SLC24A2: variants seen among roughly 807,000 people sequenced by gnomAD.
The protein encoded by SLC24A2 is solute carrier family 24 member 2, also known as sodium/potassium/calcium exchanger 2.
A neutral mutation model predicts 62.0 loss-of-function variants in SLC24A2; 36 were observed. The ratio of observed to expected loss-of-function variants is 0.58; its 90% CI spans 0.44 to 0.77. The LOEUF is 0.77. SLC24A2 is among the 30% of genes least tolerant of loss of function. The pLI, the probability that SLC24A2 is intolerant of heterozygous loss-of-function variation, is 0.00. For synonymous variants in SLC24A2, 358 were observed against 294.0 expected (o/e 1.22, Z -2.23); for missense variants, 846 against 817.9 (o/e 1.03, Z -0.42).
chr9:19,634,669 T>A (rs1818268077), intron 2 of SLC24A2, among the ~76,000 whole-genome samples: 1 of 152,218 alleles, frequency 6.6e-6, no homozygotes, highest in South Asian at 2.1e-4. Context: ...TAAAACACAC[T>A]GATTTCACCC....
At chr9:19,663,706 C>A (rs1189211009) in intron 2 of SLC24A2, among the ~76,000 whole-genome samples, 1 of 152,178 alleles carries the variant, frequency 6.6e-6, no homozygotes, top group Admixed American at 6.5e-5. Context: ...AGTGCGTCTG[C>A]CACTCTCTGT....
the SLC24A2 span, among the ~76,000 whole-genome samples, chr9:19,995,266 T>A: frequency 1.3e-5 from 2 of 152,186 alleles, no homozygotes. Flanking sequence ...TATTAATCAA[T>A]TCAACATTAA....
At chr9:19,940,086 G>A in the SLC24A2 span, among the ~76,000 whole-genome samples, 1 of 152,354 alleles carries the variant, frequency 6.6e-6, no homozygotes, top group South Asian at 2.1e-4. Flanking sequence ...CGCACCCATG[G>A]GGAAGTGAAA....
At chr9:19,556,453 A>G (rs991319572) in intron 7 of SLC24A2, among the ~76,000 whole-genome samples, 6 of 152,160 alleles carry the variant, frequency 3.9e-5, no homozygotes, top group African/African-American at 1.4e-4. Context: ...AATCTCTCCT[A>G]TCAGAGAATT....
chr9:20,085,393 T>C, the SLC24A2 span, among the ~76,000 whole-genome samples: 1 of 152,150 alleles, frequency 6.6e-6, no homozygotes, highest in Non-Finnish European at 1.5e-5. Context: ...TACATTCTAA[T>C]ATGAAGGATA....
chr9:19,798,232 A>G, the SLC24A2 span, among the ~76,000 whole-genome samples: 1 of 152,168 alleles, frequency 6.6e-6, no homozygotes, highest in Non-Finnish European at 1.5e-5. Flanking sequence ...GTTCTTTTAT[A>G]TAATAAATTA....
intron 2 of SLC24A2, among the ~76,000 whole-genome samples, chr9:19,725,010 G>A (rs1218799743): frequency 3.9e-5 from 6 of 152,070 alleles, no homozygotes; most frequent in South Asian, 4.1e-4. Context: ...CCTTTCCAGC[G>A]CTGGTCTGCA....
the SLC24A2 span, among the ~76,000 whole-genome samples, chr9:19,982,899 C>G: frequency 6.6e-6 from 1 of 152,092 alleles, no homozygotes; most frequent in African/African-American, 2.4e-5. Context: ...TAATACACCA[C>G]ATTAATAGAA....
intron 10 of SLC24A2, among the ~76,000 whole-genome samples, chr9:19,520,429 T>C (rs886490563): frequency 6.6e-6 from 1 of 152,126 alleles, no homozygotes; most frequent in Non-Finnish European, 1.5e-5. Context: ...GATAAACAAA[T>C]GGTAATGCCA....
At chr9:20,141,038 T>C in the SLC24A2 span, among the ~76,000 whole-genome samples, 1 of 152,144 alleles carries the variant, frequency 6.6e-6, no homozygotes, top group Non-Finnish European at 1.5e-5. Context: ...GATTTCTGTA[T>C]CATCACTTAT....
chr9:19,799,392 C>T, the SLC24A2 span, among the ~76,000 whole-genome samples: 33 of 152,272 alleles, frequency 2.2e-4, no homozygotes, highest in East Asian at 1.2e-3. Context: ...TTTCTTTCAA[C>T]GCCTGCCACG....
intron 4 of SLC24A2, among the ~76,000 whole-genome samples, chr9:19,616,040 T>C: frequency 8.2e-6 from 1 of 121,646 alleles, no homozygotes; most frequent in East Asian, 2.3e-4. Context: ...ACACACACAG[T>C]TGCATATGAT....
At chr9:19,784,865 G>C (rs1400936029) in intron 2 of SLC24A2, among the ~76,000 whole-genome samples, 1 of 152,128 alleles carries the variant, frequency 6.6e-6, no homozygotes, top group African/African-American at 2.4e-5. Context: ...GCAATGAAAA[G>C]GACGGTCATC....
At chr9:20,013,399 AC>A in the SLC24A2 span, among the ~76,000 whole-genome samples, 1 of 152,198 alleles carries the variant, frequency 6.6e-6, no homozygotes, top group Non-Finnish European at 1.5e-5. Flanking sequence ...TACACTATAC[AC>A]AAAAATCAAC....
the SLC24A2 span, among the ~76,000 whole-genome samples, chr9:20,273,042 G>A: frequency 2.3e-4 from 35 of 152,292 alleles, no homozygotes; most frequent in Admixed American, 7.8e-4. Context: ...AGGATCTACC[G>A]TCAGTGACTT....
the SLC24A2 span, among the ~76,000 whole-genome samples, chr9:20,260,714 C>A: frequency 6.1e-4 from 93 of 152,070 alleles, no homozygotes; most frequent in Non-Finnish European, 1.1e-3. Context: ...TGAATAAGTT[C>A]TTTAGCAGTG....
chr9:19,669,753 T>G (rs1005619905), intron 2 of SLC24A2, among the ~76,000 whole-genome samples: 1 of 152,210 alleles, frequency 6.6e-6, no homozygotes, highest in Non-Finnish European at 1.5e-5. Flanking sequence ...TTAAGGACCC[T>G]TGTGATGATT....
the SLC24A2 span, among the ~76,000 whole-genome samples, chr9:20,004,234 A>G: frequency 6.6e-6 from 1 of 152,190 alleles, no homozygotes; most frequent in South Asian, 2.1e-4. Context: ...TGCTTCCCAA[A>G]TACTTAGCCT....
intron 2 of SLC24A2, among the ~76,000 whole-genome samples, chr9:19,755,100 C>T (rs879162483): frequency 6.6e-6 from 1 of 152,142 alleles, no homozygotes; most frequent in African/African-American, 2.4e-5. Context: ...GCTCTGAGCT[C>T]AGATGGCCTG....
Sources: gnomAD v4.1 joint callset for allele counts (sites outside exome capture counted in the v4.1 genomes callset) on GRCh38, gnomAD v4.1.1 for gene constraint, MANE v1.5 for transcripts, NCBI Gene and HGNC (gene_info 2026-07-23, HGNC 2026-07-21) for gene names.